SLC25A17: variants seen among roughly 807,000 people sequenced by gnomAD.
The protein encoded by SLC25A17 is peroxisomal membrane protein PMP34.
A neutral mutation model predicts 38.5 loss-of-function variants in SLC25A17; 26 were observed. The ratio of observed to expected loss-of-function variants is 0.68; its 90% CI spans 0.50 to 0.94. The LOEUF is 0.94. Ranked by LOEUF, SLC25A17 falls within the 40% of genes least tolerant of loss-of-function variation. The pLI is 0.00. For missense variants in SLC25A17, 333 were observed against 372.7 expected, an observed-to-expected ratio of 0.89 and a Z score of 0.88; for synonymous variants, 139 against 136.2, an observed-to-expected ratio of 1.02 and a Z score of -0.14.
rs2057171727 is a variant in SLC25A17 at position 40,770,623 on chromosome 22, C to G, written c.*211G>C. 2.6e-6 allele frequency: 1 copy of G among 390,974 alleles called. No individual in the cohort carries two copies. The highest frequency in any genetic ancestry group is 4.5e-6 in the Non-Finnish European group (1 of 222,134). 24.2% of individuals were successfully genotyped at this position (390,974 alleles called of 1,614,324 possible). A position where few individuals can be genotyped will look rare whatever the true frequency, so the allele number is the denominator to read the frequency against. ...CAATGTTTTTTTCACATTAGTCCAA[C>G]TGCCACCCCAAAATCCAACCAGCCA... On this transcript the variant is annotated 3_prime_UTR_variant, in exon 9 of 9. Transcript: ENST00000435456.
intron 1 of SLC25A17, among the ~76,000 whole-genome samples, chr22:40,816,241 A>G (rs996144515): frequency 1.3e-4 from 20 of 152,028 alleles, no homozygotes; most frequent in South Asian, 1.2e-3. Context: ...AAAAAAAGAG[A>G]AAAATAGGCA....
chr22:40,777,145 A>C lies in SLC25A17; in HGVS notation c.598-10T>G, dbSNP rs753434714. 5 of 1,614,128 alleles carry C rather than the reference A, an allele frequency of 3.1e-6. No homozygotes were observed. The African/African-American group carries it at 6.7e-5, about 22-fold the overall frequency. The stretch of plus-strand genomic sequence containing the variant: ...CATCCAAGGAAGAAAGCTGGAAAGC[A>C]AAGGAAGAACAAACCATATCAATCA... On this transcript the variant is annotated splice_polypyrimidine_tract_variant and intron_variant, in intron 6 of 8. Coordinates refer to ENST00000435456, the MANE Select transcript of SLC25A17 (RefSeq NM_006358.4).
chr22:40,803,745 A>G (rs1020472409), intron 1 of SLC25A17, among the ~76,000 whole-genome samples: 2 of 151,358 alleles, frequency 1.3e-5, no homozygotes, highest in African/African-American at 4.9e-5. Context: ...TAATGGCTGT[A>G]CCAATTTACA....
intron 1 of SLC25A17, among the ~76,000 whole-genome samples, chr22:40,810,433 C>T (rs867667389): frequency 2.6e-5 from 4 of 151,540 alleles, no homozygotes; most frequent in Non-Finnish European, 5.9e-5. Context: ...CTGCAACCTC[C>T]GCCTCCCGGG....
intron 4 of SLC25A17, among the ~76,000 whole-genome samples, chr22:40,780,945 G>A (rs2057287985): frequency 6.6e-6 from 1 of 152,018 alleles, no homozygotes; most frequent in Non-Finnish European, 1.5e-5. Context: ...TGATATGGGA[G>A]GATCACTTGA....
Position 40,789,179 on chromosome 22 carries a change from A to T in SLC25A17, c.334+3346T>A. On this transcript the variant is annotated intron_variant, in intron 4 of 8. Coordinates refer to ENST00000435456, the MANE Select transcript of SLC25A17 (RefSeq NM_006358.4). This position sits in a 1 kb window ranked among gnomAD's most constrained non-coding sequence, Gnocchi z 4.5. ...GGAAAATTAGCTGTGGGGGATGCCCAGCTGCTTGTAGCCACGGCCGAAGCC... is the reference window on the plus strand; with the variant it reads ...GGAAAATTAGCTGTGGGGGATGCCCTGCTGCTTGTAGCCACGGCCGAAGCC... 4.0e-6 allele frequency: 1 copy of T among 251,720 alleles called. No individual in the cohort carries two copies. The highest frequency in any genetic ancestry group is 8.0e-6 in the Non-Finnish European group (1 of 124,618). The allele number at this position is 251,720 out of a possible 1,614,324, so 15.6% of individuals were successfully genotyped here.
At position 40,799,051 on chromosome 22, in the gene SLC25A17, G is replaced by A; in HGVS notation, c.87C>T (p.Pro29=). 6 of 1,613,522 alleles carry A rather than the reference G, an allele frequency of 3.7e-6. No individual in the cohort carries two copies. Among genetic ancestry groups the A allele is most frequent in the Non-Finnish European group, 5.1e-6 (6 of 1,179,542 alleles). The change falls in exon 2 of 9, where the codon CCC becomes CCT. Residue 29 remains proline (P), a synonymous_variant. Coordinates refer to ENST00000435456, the MANE Select transcript of SLC25A17 (RefSeq NM_006358.4). ...GSVTAMTVFF[P]LDTARLRLQV... ...GAAGTCGAAGTCTAGCTGTATCCAG[G>A]GGAAAAAACACTGTCATTGCTGTCA...
intron 5 of SLC25A17, 47 bp downstream of exon 5, chr22:40,778,962 A>G (rs761072445): frequency 3.8e-5 from 57 of 1,494,218 alleles, no homozygotes; most frequent in Non-Finnish European, 4.9e-5. Flanking sequence ...CCAGATACAA[A>G]GAAGGAAGAA....
intron 4 of SLC25A17, among the ~76,000 whole-genome samples, chr22:40,785,261 G>A (rs2057327970): frequency 6.6e-6 from 1 of 152,210 alleles, no homozygotes; most frequent in South Asian, 2.1e-4. Context: ...GCTTGCGCCT[G>A]TAGTCCCAGC....
In SLC25A17 at chr22:40,773,926, A is replaced by G. The variant is rs2057213277; in HGVS notation, c.776+11T>C. On this transcript the variant is annotated intron_variant, in intron 8 of 8. Coordinates refer to ENST00000435456, the MANE Select transcript of SLC25A17 (RefSeq NM_006358.4). ...GGAGAGCACGGAATGTGAGGCATCTACAAAGCTCACCTTACTCGTTGGTGA... is the reference window on the plus strand; with the variant it reads ...GGAGAGCACGGAATGTGAGGCATCTGCAAAGCTCACCTTACTCGTTGGTGA... 1 of 1,580,466 alleles carries G rather than the reference A, an allele frequency of 6.3e-7. No homozygotes were observed. Among genetic ancestry groups the G allele is most frequent in the Non-Finnish European group, 8.7e-7 (1 of 1,149,436 alleles).
intron 1 of SLC25A17, among the ~76,000 whole-genome samples, chr22:40,811,784 T>C (rs984130096): frequency 1.3e-5 from 2 of 152,094 alleles, no homozygotes; most frequent in African/African-American, 4.8e-5. Flanking sequence ...CACCAAGCCA[T>C]TTATGAGGGA....
chr22:40,809,442 T>C (rs533152022), intron 1 of SLC25A17, among the ~76,000 whole-genome samples: 4 of 149,502 alleles, frequency 2.7e-5, no homozygotes, highest in African/African-American at 9.9e-5. Context: ...TGGTGAAACA[T>C]GTAGAAACCC....
intron 4 of SLC25A17, among the ~76,000 whole-genome samples, chr22:40,788,443 A>G (rs1267776878): frequency 6.6e-6 from 1 of 152,234 alleles, no homozygotes; most frequent in Admixed American, 6.5e-5. Context: ...CTATAATCCC[A>G]GCACTTTGGG....
At chr22:40,810,517 T>G (rs940404712) in intron 1 of SLC25A17, among the ~76,000 whole-genome samples, 6 of 152,210 alleles carry the variant, frequency 3.9e-5, no homozygotes, top group Middle Eastern at 6.8e-3. Flanking sequence ...CCGGCTGATT[T>G]TGAGTTTTTA....
At chr22:40,816,185 C>T (rs138616719) in intron 1 of SLC25A17, among the ~76,000 whole-genome samples, 2,090 of 135,142 alleles carry the variant, frequency 0.015, 53 homozygotes, top group African/African-American at 0.056. Flanking sequence ...GCAACAAGAG[C>T]GAAACTCCAT....
chr22:40,770,777 C>T lies in SLC25A17; in HGVS notation c.*57G>A, dbSNP rs1332782734. 5.9e-6 allele frequency: 9 copies of T among 1,524,806 alleles called. No individual in the cohort carries two copies. In the African/African-American group the frequency reaches 1.1e-4, roughly 19 times the overall value. The allele number at this position is 1,524,806 out of a possible 1,614,324, so 94.5% of individuals were successfully genotyped here. On this transcript the variant is annotated 3_prime_UTR_variant, in exon 9 of 9. Coordinates refer to ENST00000435456, the MANE Select transcript of SLC25A17 (RefSeq NM_006358.4). ...GAGTCAAGGGAGAATCACTTCTCTT[C>T]ACTCAGGAGGAAACCTCCCTCTTGA...
At chr22:40,805,446 G>A (rs564968427) in intron 1 of SLC25A17, among the ~76,000 whole-genome samples, 49 of 152,288 alleles carry the variant, frequency 3.2e-4, no homozygotes, top group African/African-American at 1.1e-3. Flanking sequence ...TTGAAGATGG[G>A]ATAAAAAGCC....
intron 1 of SLC25A17, among the ~76,000 whole-genome samples, chr22:40,812,325 A>G (rs1314773221): frequency 6.6e-6 from 1 of 152,238 alleles, no homozygotes; most frequent in Admixed American, 6.5e-5. Context: ...TAATTTGGTC[A>G]ACACAATCCA....
chr22:40,812,255 A>C (rs1037069504), intron 1 of SLC25A17, among the ~76,000 whole-genome samples: 1 of 152,116 alleles, frequency 6.6e-6, no homozygotes, highest in African/African-American at 2.4e-5. Context: ...TACTAAAAAA[A>C]AAAGATGGTT....
Sources: allele counts gnomAD v4.1 joint callset (sites outside exome capture counted in the v4.1 genomes callset), GRCh38; gene constraint gnomAD v4.1.1; non-coding constraint Gnocchi (gnomAD v3.1); transcripts MANE v1.5; gene names NCBI Gene and HGNC (gene_info 2026-07-23, HGNC 2026-07-21).